The following KLK6 variants were observed in gnomAD, a reference collection of about 807,000 sequenced individuals.
KLK6 encodes kallikrein-6.
KLK6 carries 16 observed loss-of-function variants against 21.7 expected under a neutral mutation model. The observed-to-expected ratio is 0.74, with a 90% CI of 0.50 to 1.12. The LOEUF (loss-of-function observed/expected upper bound fraction) is 1.12, where lower values mean the gene tolerates loss of function less well. Ranked by LOEUF, KLK6 falls within the 50% of genes most tolerant of loss-of-function variation. The pLI, the probability that KLK6 is intolerant of heterozygous loss-of-function variation, is 0.00. For missense variants in KLK6, 276 were observed against 304.6 expected, an observed-to-expected ratio of 0.91 and a Z score of 0.70; for synonymous variants, 116 against 120.1, an observed-to-expected ratio of 0.97 and a Z score of 0.22.
At chr19:50,959,984 C>T (rs146142500) in intron 6 of KLK6, among the ~76,000 whole-genome samples, 3,212 of 33,002 alleles carry the variant, frequency 0.097, 133 homozygotes, top group East Asian at 0.31. Flanking sequence ...AAGAGGAGAA[C>T]GAGGAGGAGG....
At chr19:50,967,576 G>A (rs1842675687) in intron 3 of KLK6, among the ~76,000 whole-genome samples, 1 of 146,356 alleles carries the variant, frequency 6.8e-6, no homozygotes, top group South Asian at 2.1e-4. Context: ...GGTGGCATAC[G>A]CCTGTAGTCC....
chr19:50,961,808 G>A lies in KLK6; in HGVS notation c.518C>T (p.Pro173Leu), dbSNP rs2090845537. The change falls in exon 6 of 7, where the codon CCT (proline) becomes CTT (leucine). Residue 173 changes from proline to leucine, a missense_variant. Physicochemically the swap from Pro to Leu is moderately conservative, Grantham distance 98. Transcript: ENST00000310157. ...VSREECEHAY[P>L]GQITQNMLCA... Reference sequence around the variant, plus strand: ...CAACATGTTCTGGGTGATCTGGCCAGGGTAGGCATGCTCACACTCCTCACG... The same window carrying A: ...CAACATGTTCTGGGTGATCTGGCCAAGGTAGGCATGCTCACACTCCTCACG... The A allele has an allele frequency of 2.5e-6, 4 of 1,614,042 alleles. No homozygotes were observed. The highest frequency in any genetic ancestry group is 3.4e-6 in the Non-Finnish European group (4 of 1,179,960).
chr19:50,967,166 C>G lies in KLK6; in HGVS notation c.197+3G>C. 1 of 1,611,226 alleles carries G rather than the reference C, an allele frequency of 6.2e-7. No individual in the cohort carries two copies. Among genetic ancestry groups the G allele is most frequent in the Non-Finnish European group, 8.5e-7 (1 of 1,178,916 alleles). On this transcript the variant is annotated splice_donor_region_variant and intron_variant, in intron 4 of 6. Transcript: ENST00000310157. ...CTGCTGTTCATTTACAGTGTAGACT[C>G]ACGGTTTTTTGCAGTGGGCAGCTGT...
At chr19:50,968,364 G>C (rs532990575) in intron 2 of KLK6, 177 bp downstream of exon 2, 2 of 570,392 alleles carry the variant, frequency 3.5e-6, no homozygotes, top group South Asian at 4.3e-5. Context: ...GTGAGATTCT[G>C]ATTAGATCTT....
intron 6 of KLK6, among the ~76,000 whole-genome samples, chr19:50,959,969 G>A (rs1206674436): frequency 3.2e-4 from 30 of 92,774 alleles, no homozygotes; most frequent in African/African-American, 1.4e-3. Context: ...AAGAGGAGGA[G>A]GAGGAAGAGG....
chr19:50,964,238 C>T (rs895935725), intron 4 of KLK6, among the ~76,000 whole-genome samples: 1 of 152,232 alleles, frequency 6.6e-6, no homozygotes, highest in Non-Finnish European at 1.5e-5. Context: ...CACTCCCTCA[C>T]TTCCTTTAAA....
chr19:50,966,620 G>A (rs537585664), intron 4 of KLK6, among the ~76,000 whole-genome samples: 83 of 152,344 alleles, frequency 5.4e-4, no homozygotes, highest in Non-Finnish European at 1.0e-3. Flanking sequence ...GGCCAACATG[G>A]TGAAACCCCG....
Position 50,964,447 on chromosome 19 carries a change from T to G in KLK6, c.198-898A>C, listed in dbSNP as rs142244596. Among the ~76,000 whole-genome samples the G allele has an allele frequency of 2.0e-5, 3 of 152,316 alleles. No individual in the cohort carries two copies. The East Asian group carries it at 5.8e-4, about 29-fold the overall frequency. ...TTGCAGAGCAATGCTGTCCACTAAA[T>G]GCTACGATGCCATGATCTCGATCTG... On this transcript the variant is annotated intron_variant, in intron 4 of 6. Coordinates refer to ENST00000310157, the MANE Select transcript of KLK6 (RefSeq NM_002774.4).
intron 4 of KLK6, among the ~76,000 whole-genome samples, chr19:50,965,136 C>G (rs2090904453): frequency 6.6e-6 from 1 of 152,064 alleles, no homozygotes; most frequent in African/African-American, 2.4e-5. Context: ...CGCTCTGTCA[C>G]CCAGGCTGGA....
chr19:50,967,544 CACACACAAAT>C (rs774523191), intron 3 of KLK6, among the ~76,000 whole-genome samples: 2 of 151,242 alleles, frequency 1.3e-5, no homozygotes, highest in African/African-American at 2.4e-5. Context: ...CACACACACA[CACACACAAAT>C]TAGCAGGGTA....
chr19:50,968,727 A>C lies in KLK6; in HGVS notation c.-59-136T>G, dbSNP rs268891. 0.61 allele frequency: 93,410 copies of C among 154,328 alleles called. 28,643 individuals are homozygous for C. The highest frequency in any genetic ancestry group is 0.72 in the Middle Eastern group (213 of 296). 9.6% of individuals were successfully genotyped at this position (154,328 alleles called of 1,614,324 possible). ...GGGCTGCAGGGACTGCCAGACACAC[A>C]CCCCCAGCTCCCAGGCCTCCCTGGA... On this transcript the variant is annotated intron_variant, in intron 1 of 6. Transcript: ENST00000310157.
chr19:50,962,043 C>T (rs1287160902), intron 5 of KLK6, among the ~76,000 whole-genome samples, 163 bp from the exon 6 acceptor site: 1 of 151,868 alleles, frequency 6.6e-6, no homozygotes, highest in South Asian at 2.1e-4. Context: ...TCATTACCAT[C>T]GTCCCTGCCT....
chr19:50,959,398 TGTG>T (rs1251469164), intron 6 of KLK6, 82 bp from the exon 7 acceptor site: 28 of 1,174,112 alleles, frequency 2.4e-5, no homozygotes, highest in African/African-American at 3.5e-5. Context: ...TGTGTGTGTG[TGTG>T]TGTGTGTGAC....
rs547959507 is a variant in KLK6, at chr19:50,966,026, C to A, written c.197+1143G>T. On this transcript the variant is annotated intron_variant, in intron 4 of 6. Coordinates refer to ENST00000310157, the MANE Select transcript of KLK6 (RefSeq NM_002774.4). ...CTTTTTGGATGATCTCATCTAGTCC[C>A]ATGGCTTTAAATACACCTGTTTGCT... Among the ~76,000 whole-genome samples the A allele has an allele frequency of 2.6e-5, 4 of 152,290 alleles. No individual in the cohort carries two copies. In the South Asian group the frequency reaches 8.3e-4, roughly 32 times the overall value.
At chr19:50,959,757 GGAA>G (rs1345624989) in intron 6 of KLK6, among the ~76,000 whole-genome samples, 2 of 24,294 alleles carry the variant, frequency 8.2e-5, no homozygotes, top group Non-Finnish European at 1.3e-4. Flanking sequence ...AAGAGGAGGA[GGAA>G]GAGGAGAAGG....
chr19:50,964,873 C>T (rs560489947), intron 4 of KLK6, among the ~76,000 whole-genome samples: 28 of 152,298 alleles, frequency 1.8e-4, no homozygotes, highest in Middle Eastern at 3.4e-3. Context: ...CCCCAGTGAA[C>T]GGGAAATTTT....
chr19:50,967,931 C>T (rs902362070), intron 3 of KLK6, 134 bp downstream of exon 3: 1 of 727,150 alleles, frequency 1.4e-6, no homozygotes, highest in Non-Finnish European at 2.4e-6. Context: ...TAGCCTAATC[C>T]CCAACGTCTT....
intron 4 of KLK6, among the ~76,000 whole-genome samples, chr19:50,965,633 G>C (rs575088577): frequency 6.6e-6 from 1 of 152,308 alleles, no homozygotes; most frequent in Admixed American, 6.5e-5. Context: ...CAGGGATGAC[G>C]TGTGTGTCCC....
chr19:50,960,035 AGAC>A (rs1378355237), intron 6 of KLK6, among the ~76,000 whole-genome samples: 28 of 48,840 alleles, frequency 5.7e-4, no homozygotes, highest in African/African-American at 2.9e-3. Flanking sequence ...AGGAGGGGGA[AGAC>A]GAGGAGGAGG....
Sources: allele counts gnomAD v4.1 joint callset (sites outside exome capture counted in the v4.1 genomes callset), GRCh38; gene constraint gnomAD v4.1.1; transcripts MANE v1.5; gene names NCBI Gene and HGNC (gene_info 2026-07-23, HGNC 2026-07-21).